Variants in DLEU7 observed in about 807,000 individuals in gnomAD.
DLEU7 encodes deleted in lymphocytic leukemia 7.
A neutral mutation model predicts 16.0 loss-of-function variants in DLEU7; 17 were observed. That is an observed-to-expected ratio of 1.06 (90% CI 0.73 to 1.59). The LOEUF (loss-of-function observed/expected upper bound fraction) is 1.59. Among genes scored for constraint, DLEU7 ranks in the 40% most tolerant of loss-of-function variants. DLEU7 has a pLI of 0.00. For synonymous variants in DLEU7, 113 were observed against 139.8 expected (o/e 0.81, Z 1.35); for missense variants, 308 against 314.9 (o/e 0.98, Z 0.17).
At chr13:50,801,659 G>A (rs111336233) in intron 1 of DLEU7, among the ~76,000 whole-genome samples, 12 of 152,192 alleles carry the variant, frequency 7.9e-5, no homozygotes, top group African/African-American at 2.9e-4. Context: ...CTTCCAAGGA[G>A]CATATATGTA....
chr13:50,728,661 C>T (rs143864749), intron 1 of DLEU7, among the ~76,000 whole-genome samples: 29 of 152,240 alleles, frequency 1.9e-4, no homozygotes, highest in African/African-American at 6.7e-4. Context: ...ATCAGCCTTT[C>T]TCAGCTCTTC....
At chr13:50,759,066 G>A (rs892257101) in intron 1 of DLEU7, among the ~76,000 whole-genome samples, 5 of 152,122 alleles carry the variant, frequency 3.3e-5, no homozygotes, top group South Asian at 2.1e-4. Context: ...CAAGAAAATC[G>A]GAATTCCTTT....
intron 1 of DLEU7, among the ~76,000 whole-genome samples, chr13:50,779,525 A>G (rs747404060): frequency 2.6e-5 from 4 of 152,190 alleles, no homozygotes; most frequent in Non-Finnish European, 5.9e-5. Flanking sequence ...TACTACTGCT[A>G]TCACATACGA....
At chr13:50,725,103 G>A (rs993217114) in intron 1 of DLEU7, among the ~76,000 whole-genome samples, 13 of 152,020 alleles carry the variant, frequency 8.6e-5, no homozygotes, top group Admixed American at 3.9e-4. Context: ...CAGCTCCCCC[G>A]TTCACAATGT....
chr13:50,769,987 A>T (rs1345905217), intron 1 of DLEU7, among the ~76,000 whole-genome samples: 1 of 151,326 alleles, frequency 6.6e-6, no homozygotes, highest in Non-Finnish European at 1.5e-5. Flanking sequence ...AGTCCTTCAC[A>T]TCCCTTGTAA....
At chr13:50,776,408 T>G (rs1875496207) in intron 1 of DLEU7, among the ~76,000 whole-genome samples, 1 of 152,222 alleles carries the variant, frequency 6.6e-6, no homozygotes. Flanking sequence ...TCCTGCACCT[T>G]TGTGAGCTCT....
chr13:50,752,169 A>C (rs1874588392), intron 1 of DLEU7, among the ~76,000 whole-genome samples: 1 of 150,628 alleles, frequency 6.6e-6, no homozygotes, highest in Non-Finnish European at 1.5e-5. Context: ...CTCCTGCCTC[A>C]GCCTCCCTAG....
intron 1 of DLEU7, among the ~76,000 whole-genome samples, chr13:50,738,962 T>TACACACACACACAC (rs55722607): frequency 2.1e-5 from 3 of 144,656 alleles, no homozygotes; most frequent in East Asian, 2.2e-4. Flanking sequence ...TAAAAAATAA[T>TACACACACACACAC]ACACACACAC....
chr13:50,724,092 G>A (rs1306090334), intron 1 of DLEU7, among the ~76,000 whole-genome samples: 1 of 151,922 alleles, frequency 6.6e-6, no homozygotes, highest in African/African-American at 2.4e-5. Flanking sequence ...AAATTATGAG[G>A]TACAGATGGT....
At chr13:50,840,029 A>T (rs1338663624) in intron 1 of DLEU7, 1 of 152,144 alleles carries the variant, frequency 6.6e-6, no homozygotes, top group Non-Finnish European at 1.5e-5. Context: ...CCACTGCAGG[A>T]TCTCTAATGC....
intron 1 of DLEU7, among the ~76,000 whole-genome samples, chr13:50,740,479 A>G (rs534536420): frequency 6.6e-6 from 1 of 152,322 alleles, no homozygotes; most frequent in Non-Finnish European, 1.5e-5. Flanking sequence ...GCCTACTCCC[A>G]TGACAGATAG....
intron 1 of DLEU7, among the ~76,000 whole-genome samples, chr13:50,829,098 A>G (rs1252842999): frequency 1.3e-5 from 2 of 152,182 alleles, no homozygotes; most frequent in Admixed American, 6.5e-5. Context: ...AATTTAGCTC[A>G]TCAGCTATCA....
chr13:50,797,050 C>T (rs1413116984), intron 1 of DLEU7, among the ~76,000 whole-genome samples: 1 of 152,114 alleles, frequency 6.6e-6, no homozygotes, highest in Non-Finnish European at 1.5e-5. Flanking sequence ...AGATGTATCA[C>T]AGGTTTTGAA....
chr13:50,718,705 C>G (rs181635656), intron 1 of DLEU7, among the ~76,000 whole-genome samples: 339 of 152,306 alleles, frequency 2.2e-3, no homozygotes, highest in African/African-American at 7.6e-3. Context: ...CATTTTTATT[C>G]ATTAAAGTCC....
downstream of DLEU7, chr13:50,711,772 C>CCGGCG: frequency 5.5e-5 from 4 of 72,926 alleles, 1 homozygote; most frequent in Non-Finnish European, 6.7e-5. Flanking sequence ...GACCCAGTGG[C>CCGGCG]GGGGGCGGGG....
intron 1 of DLEU7, among the ~76,000 whole-genome samples, chr13:50,809,252 A>G (rs1225351527): frequency 2.6e-5 from 4 of 152,120 alleles, no homozygotes; most frequent in African/African-American, 4.8e-5. Flanking sequence ...GTTTTGGTTG[A>G]AAAAAAGAGA....
chr13:50,795,544 C>T (rs1384827677), intron 1 of DLEU7, among the ~76,000 whole-genome samples: 1 of 152,146 alleles, frequency 6.6e-6, no homozygotes, highest in Non-Finnish European at 1.5e-5. Context: ...TTGTATGCCA[C>T]AATATGGAGT....
upstream of DLEU7, chr13:50,843,753 G>C (rs1487824782): frequency 1.4e-6 from 2 of 1,410,020 alleles, no homozygotes; most frequent in Non-Finnish European, 1.9e-6. This position sits in a 1 kb window ranked among gnomAD's most constrained non-coding sequence, Gnocchi z 5.7. Flanking sequence ...GCGGCTCCTC[G>C]GCCTCTGGGT....
At chr13:50,733,812 A>G (rs1032401210) in intron 1 of DLEU7, among the ~76,000 whole-genome samples, 1 of 152,352 alleles carries the variant, frequency 6.6e-6, no homozygotes, top group African/African-American at 2.4e-5. Flanking sequence ...TATAACTATC[A>G]TTAAAGCCTC....
Sources: allele counts gnomAD v4.1 joint callset (sites outside exome capture counted in the v4.1 genomes callset), GRCh38; gene constraint gnomAD v4.1.1; non-coding constraint Gnocchi (gnomAD v3.1); transcripts MANE v1.5; gene names NCBI Gene and HGNC (gene_info 2026-07-23, HGNC 2026-07-21).